AOPEP: variants seen among roughly 807,000 people sequenced by gnomAD.
AOPEP encodes the protein aminopeptidase O (putative).
A neutral mutation model predicts 98.1 loss-of-function variants in AOPEP; 77 were observed. The ratio of observed to expected loss-of-function variants is 0.78; its 90% CI spans 0.65 to 0.95. The LOEUF is 0.95. AOPEP is among the 40% of genes least tolerant of loss of function. The pLI is 0.00. For missense variants in AOPEP, 1,024 were observed against 1,024.7 expected, an observed-to-expected ratio of 1.00 and a Z score of 0.01; for synonymous variants, 346 against 365.3, an observed-to-expected ratio of 0.95 and a Z score of 0.60.
chr9:95,056,050 G>A (rs1292160322), intron 13 of AOPEP, among the ~76,000 whole-genome samples: 1 of 152,154 alleles, frequency 6.6e-6, no homozygotes, highest in Non-Finnish European at 1.5e-5. Context: ...GAGAGGGGGA[G>A]GCCGTGGCTG....
At chr9:94,761,477 G>A (rs556232339) in intron 2 of AOPEP, among the ~76,000 whole-genome samples, 1 of 152,256 alleles carries the variant, frequency 6.6e-6, no homozygotes, top group African/African-American at 2.4e-5. Flanking sequence ...ATGGAGGAAC[G>A]TTGACCTCTG....
chr9:94,743,193 A>AGAAGAAGAAGAGGAAGAAGAG (rs1554695832), intron 1 of AOPEP, among the ~76,000 whole-genome samples: 36 of 121,998 alleles, frequency 3.0e-4, no homozygotes, highest in African/African-American at 6.1e-4. Flanking sequence ...AAGAAGAAGA[A>AGAAGAAGAAGAGGAAGAAGAG]GAAGAAGAGG....
At chr9:95,034,922 A>G (rs1203559503) in intron 13 of AOPEP, among the ~76,000 whole-genome samples, 1 of 152,064 alleles carries the variant, frequency 6.6e-6, no homozygotes, top group East Asian at 1.9e-4. Flanking sequence ...GAAGACATCC[A>G]ATAACACCCA....
At chr9:94,852,296 G>T (rs2043651488) in intron 5 of AOPEP, among the ~76,000 whole-genome samples, 1 of 152,192 alleles carries the variant, frequency 6.6e-6, no homozygotes, top group South Asian at 2.1e-4. Context: ...CTCCCCAGAT[G>T]ATTTTAATGA....
the AOPEP span, among the ~76,000 whole-genome samples, chr9:95,125,956 C>T: frequency 2.0e-5 from 3 of 152,238 alleles, no homozygotes; most frequent in Non-Finnish European, 4.4e-5. Context: ...CTCCCACTAA[C>T]TGCCAGCCAC....
chr9:94,997,074 A>G lies in AOPEP; in HGVS notation c.1978-8084A>G, dbSNP rs574936444. On this transcript the variant is annotated intron_variant, in intron 11 of 16. Coordinates refer to ENST00000375315, the MANE Select transcript of AOPEP (RefSeq NM_001193329.3). ...TTTACAGTATTGCAGGTCAGCACTAAGATTGGGTTCCTAAAGATAAGGATG... is the reference window on the plus strand; with the variant it reads ...TTTACAGTATTGCAGGTCAGCACTAGGATTGGGTTCCTAAAGATAAGGATG... 2.0e-5 allele frequency among the ~76,000 whole-genome samples: 3 copies of G among 152,340 alleles called. No individual in the cohort carries two copies. The East Asian group carries it at 5.8e-4, about 29-fold the overall frequency.
intron 5 of AOPEP, among the ~76,000 whole-genome samples, chr9:94,874,196 T>C (rs73657008): frequency 0.018 from 2,669 of 152,318 alleles, 83 homozygotes; most frequent in African/African-American, 0.06. Context: ...CAATGTTATA[T>C]ACCAGGCAGC....
chr9:94,933,213 A>T, intron 7 of AOPEP: 1 of 985,636 alleles, frequency 1.0e-6, no homozygotes, highest in Non-Finnish European at 1.2e-6. Context: ...CTTGCCTGAG[A>T]TGCATGGCAG....
intron 13 of AOPEP, among the ~76,000 whole-genome samples, chr9:95,057,639 T>C (rs1207725862): frequency 2.0e-5 from 3 of 152,268 alleles, no homozygotes; most frequent in Non-Finnish European, 4.4e-5. Context: ...AATGTTGTAA[T>C]GTGTACTTTG....
intron 7 of AOPEP, among the ~76,000 whole-genome samples, chr9:94,943,903 G>C (rs554793620): frequency 3.7e-4 from 42 of 112,054 alleles, no homozygotes; most frequent in Middle Eastern, 0.019. Context: ...CTGGGCAACA[G>C]AGTGAGACTC....
At chr9:94,828,713 A>G (rs1270996293) in intron 5 of AOPEP, among the ~76,000 whole-genome samples, 1 of 152,022 alleles carries the variant, frequency 6.6e-6, no homozygotes, top group African/African-American at 2.4e-5. Context: ...AAACAGACCA[A>G]TTATACACAT....
chr9:94,929,199 C>A (rs996903138), intron 7 of AOPEP, among the ~76,000 whole-genome samples: 2 of 152,358 alleles, frequency 1.3e-5, no homozygotes, highest in Admixed American at 1.3e-4. Flanking sequence ...ATCACCTCCC[C>A]TCCTCTTCCA....
the AOPEP span, among the ~76,000 whole-genome samples, chr9:95,105,622 C>G: frequency 6.6e-6 from 1 of 152,128 alleles, no homozygotes; most frequent in African/African-American, 2.4e-5. Context: ...CCGTCTCCTG[C>G]CCCTTTCCAT....
At chr9:95,122,150 G>T in the AOPEP span, among the ~76,000 whole-genome samples, 1 of 152,098 alleles carries the variant, frequency 6.6e-6, no homozygotes, top group South Asian at 2.1e-4. Flanking sequence ...GAGCCACCAC[G>T]CCTGGCACAT....
chr9:95,139,825 T>G, the AOPEP span, among the ~76,000 whole-genome samples: 1 of 146,272 alleles, frequency 6.8e-6, no homozygotes, highest in East Asian at 2.0e-4. Context: ...AAAATGAATA[T>G]ATATATATTT....
chr9:94,982,978 CCTT>C (rs999536498), intron 11 of AOPEP, among the ~76,000 whole-genome samples: 6 of 152,208 alleles, frequency 3.9e-5, no homozygotes, highest in South Asian at 2.1e-4. Context: ...CTTCTACACT[CCTT>C]ATTTTAGTTG....
At chr9:95,027,613 G>T (rs2063946798) in intron 13 of AOPEP, among the ~76,000 whole-genome samples, 1 of 152,168 alleles carries the variant, frequency 6.6e-6, no homozygotes, top group African/African-American at 2.4e-5. Context: ...ATGTTTTGGG[G>T]TGCTTTAAAT....
the AOPEP span, among the ~76,000 whole-genome samples, chr9:95,116,210 C>T: frequency 8.5e-5 from 13 of 152,340 alleles, no homozygotes; most frequent in South Asian, 2.5e-3. Context: ...CTCAGCGTCC[C>T]CTGTTGGCTG....
intron 3 of AOPEP, among the ~76,000 whole-genome samples, chr9:94,778,179 T>A (rs1156869558): frequency 6.6e-6 from 1 of 152,140 alleles, no homozygotes; most frequent in East Asian, 1.9e-4. Flanking sequence ...CAACTAGAAC[T>A]CTCATACATT....
Sources: allele counts gnomAD v4.1 joint callset (sites outside exome capture counted in the v4.1 genomes callset), GRCh38; gene constraint gnomAD v4.1.1; transcripts MANE v1.5; gene names NCBI Gene and HGNC (gene_info 2026-07-23, HGNC 2026-07-21).